The following PFAS variants were observed in gnomAD, a reference collection of about 807,000 sequenced individuals.
PFAS encodes FGAM synthase.
In PFAS, 97 loss-of-function variants were observed where a neutral mutation model predicts 140.6. The observed-to-expected ratio is 0.69, with a 90% CI of 0.59 to 0.82. PFAS has a LOEUF of 0.82. Ranked by LOEUF, PFAS falls within the 40% of genes least tolerant of loss-of-function variation. PFAS has a pLI of 0.00. For missense variants in PFAS, 1,656 were observed against 1,780.2 expected, an observed-to-expected ratio of 0.93 and a Z score of 1.26; for synonymous variants, 679 against 718.8, an observed-to-expected ratio of 0.94 and a Z score of 0.88.
At position 8,268,840 on chromosome 17, in the gene PFAS, GAGTGC is replaced by G; in HGVS notation, c.3691_3695del (p.Ser1231AlafsTer18). On this transcript the variant is annotated frameshift_variant, in exon 27 of 28. Coordinates refer to ENST00000314666, the MANE Select transcript of PFAS (RefSeq NM_012393.3). LOFTEE classifies it high-confidence loss of function. ...TGGAGGGCGCCGTGCTGCCCGTGTG[GAGTGC>G]GCACGGGGAAGGTCAGGCCCAAGGA... 1 of 1,608,770 alleles carries G rather than the reference GAGTGC, an allele frequency of 6.2e-7. No homozygotes were observed. Among genetic ancestry groups the G allele is most frequent in the Non-Finnish European group, 8.5e-7 (1 of 1,179,892 alleles).
rs369538379 is a variant in PFAS, at chr17:8,268,555, T to C, written c.3405T>C (p.Phe1135=). Residue 1135 remains phenylalanine, a synonymous_variant, in exon 27 of 28, where the codon TTT becomes TTC. Coordinates refer to ENST00000314666, the MANE Select transcript of PFAS (RefSeq NM_012393.3). ...TAGGGTGGGCAGCTGCTGTGACCTT[T>C]CATCCCAGGGCTGGGGCTGAGCTGA... ...SAKGWAAAVT[F]HPRAGAELRR... 2 of 1,612,250 alleles carry C rather than the reference T, an allele frequency of 1.2e-6. No homozygotes were observed. Among genetic ancestry groups the C allele is most frequent in the East Asian group, 2.2e-5 (1 of 44,826 alleles).
intron 4 of PFAS, 35 bp downstream of exon 4, chr17:8,255,167 C>A: frequency 7.0e-7 from 1 of 1,429,842 alleles, no homozygotes; most frequent in Non-Finnish European, 9.8e-7. Context: ...AGGAGATGAG[C>A]CAGAGATACA....
chr17:8,263,973 G>T, intron 15 of PFAS, 37 bp downstream of exon 15: 1 of 1,603,218 alleles, frequency 6.2e-7, no homozygotes, highest in Non-Finnish European at 8.5e-7. Context: ...AAACACTGGG[G>T]CAGACATGAG....
upstream of PFAS, chr17:8,248,013 G>T (rs749818659): frequency 1.2e-4 from 187 of 1,559,384 alleles, no homozygotes; most frequent in Non-Finnish European, 1.6e-4. Flanking sequence ...CGGAGGAAGG[G>T]ACCTGGGCCC....
At chr17:8,262,863 T>C in intron 11 of PFAS, 57 bp from the exon 12 acceptor site, 1 of 1,369,686 alleles carries the variant, frequency 7.3e-7, no homozygotes, top group Non-Finnish European at 1.0e-6. Flanking sequence ...TGCCTTGCTT[T>C]CGAGGCCTCT....
chr17:8,257,313 T>G (rs1490576479), intron 9 of PFAS, among the ~76,000 whole-genome samples: 1 of 152,092 alleles, frequency 6.6e-6, no homozygotes, highest in African/African-American at 2.4e-5. Context: ...TCCCAGCACT[T>G]TGGGAGGCTG....
rs758072315 is a variant in PFAS, at chr17:8,263,601, C to G, written c.1594C>G (p.Pro532Ala). The G allele has an allele frequency of 1.2e-6, 2 of 1,614,056 alleles. No homozygotes were observed. Among genetic ancestry groups the G allele is most frequent in the East Asian group, 4.5e-5 (2 of 44,872 alleles). The change falls in exon 14 of 28, where the codon CCA becomes GCA. Residue 532 changes from proline (P) to alanine (A), a missense_variant. Around this residue, in one of 2 missense-constraint regions of PFAS, gnomAD observed 773 missense variants for 757.3 expected, o/e 1.02. Transcript: ENST00000314666. Reference sequence around the variant, plus strand: ...CAATGTCCTAAAAGAGCTGAGTGACCCAGCTGGAGCCATCATTTACACCAG... The same window carrying G: ...CAATGTCCTAAAAGAGCTGAGTGACGCAGCTGGAGCCATCATTTACACCAG... ...NGNVLKELSD[P>A]AGAIIYTSRF...
At chr17:8,256,136 AATAT>A in intron 6 of PFAS, 127 bp from the exon 7 acceptor site, 1 of 946,334 alleles carries the variant, frequency 1.1e-6, no homozygotes, top group Non-Finnish European at 1.6e-6. Flanking sequence ...GACTTTTTGG[AATAT>A]ATTTTGATCT....
chr17:8,254,453 C>G, intron 3 of PFAS, 152 bp downstream of exon 3: 1 of 823,280 alleles, frequency 1.2e-6, no homozygotes, highest in Non-Finnish European at 1.9e-6. Flanking sequence ...CCTCCAAAGA[C>G]CTAGCCTGCT....
rs528002785 is a variant in PFAS at position 8,261,474 on chromosome 17, G to GGA, written c.1337-1445_1337-1444insAG. Among the ~76,000 whole-genome samples the GGA allele has an allele frequency of 7.5e-3, 1,140 of 151,368 alleles. 6 individuals carry two copies. Among genetic ancestry groups the GGA allele is most frequent in the Non-Finnish European group, 0.011 (770 of 67,748 alleles). Reference sequence around the variant, plus strand: ...GGCTGGTCTCAAACTCCTGAGCTCAGGTAATCCACCCGCCTCAGCCTCCCA... The same window carrying GGA: ...GGCTGGTCTCAAACTCCTGAGCTCAGGAGTAATCCACCCGCCTCAGCCTCCCA... On this transcript the variant is annotated intron_variant, in intron 11 of 27. Coordinates refer to ENST00000314666, the MANE Select transcript of PFAS (RefSeq NM_012393.3).
Position 8,269,238 on chromosome 17 carries a change from A to C in PFAS, c.3991A>C (p.Asn1331His), listed in dbSNP as rs745828418. 1.2e-6 allele frequency: 2 copies of C among 1,609,958 alleles called. No homozygotes were observed. Among genetic ancestry groups the C allele is most frequent in the African/African-American group, 2.7e-5 (2 of 75,014 alleles). The change falls in exon 28 of 28, where the codon AAC becomes CAC. Residue 1331 changes from asparagine to histidine, a missense_variant. Coordinates refer to ENST00000314666, the MANE Select transcript of PFAS (RefSeq NM_012393.3). ...GCTCCAGCTCTTTATCAATGCCCGA[A>C]ACTGGACCCTGGAAGGGAGCTGCTG... Reference protein sequence around the residue: ...PWLQLFINARNWTLEGSC With the variant: ...PWLQLFINARHWTLEGSC
intron 4 of PFAS, 112 bp from the exon 5 acceptor site, chr17:8,255,390 A>C: frequency 1.2e-6 from 1 of 822,656 alleles, no homozygotes; most frequent in Non-Finnish European, 1.9e-6. Flanking sequence ...AAAAAGTGCC[A>C]TATGGTGTGG....
chr17:8,259,135 A>G (rs1281216189), intron 11 of PFAS, among the ~76,000 whole-genome samples: 1 of 152,056 alleles, frequency 6.6e-6, no homozygotes, highest in East Asian at 1.9e-4. Flanking sequence ...CAAAAAAAAA[A>G]AAAAAGACGT....
chr17:8,249,664 T>G (rs943103348), intron 1 of PFAS, among the ~76,000 whole-genome samples: 1 of 152,292 alleles, frequency 6.6e-6, no homozygotes, highest in Non-Finnish European at 1.5e-5. Flanking sequence ...AAACCCTGTC[T>G]CTGAGCTCTT....
intron 6 of PFAS, 46 bp from the exon 7 acceptor site, chr17:8,256,221 G>A: frequency 6.3e-7 from 1 of 1,595,506 alleles, no homozygotes. Context: ...ATTAAGAAAT[G>A]ACCCCGTTTC....
At chr17:8,253,739 ATG>A in intron 1 of PFAS, 118 bp from the exon 2 acceptor site, 1 of 551,196 alleles carries the variant, frequency 1.8e-6, no homozygotes, top group South Asian at 3.2e-5. Flanking sequence ...GGGTTTCACT[ATG>A]TTGGCCGGGC....
intron 15 of PFAS, 134 bp from the exon 16 acceptor site, chr17:8,264,078 C>A: frequency 1.4e-6 from 2 of 1,456,004 alleles, no homozygotes; most frequent in Non-Finnish European, 1.9e-6. Context: ...AATGTTGGAT[C>A]CAAGGAGGGG....
chr17:8,264,472 G>T lies in PFAS; in HGVS notation c.1920G>T (p.Glu640Asp). The T allele has an allele frequency of 6.2e-7, 1 of 1,613,596 alleles. No individual in the cohort carries two copies. Among genetic ancestry groups the T allele is most frequent in the Non-Finnish European group, 8.5e-7 (1 of 1,179,888 alleles). Residue 640 changes from glutamate (E) to aspartate (D), a missense_variant and splice_region_variant, in exon 17 of 28, where the codon GAG becomes GAT. Transcript: ENST00000314666. ...EWVLGKMPRK[E>D]FFLQRKPPML... is the part of the protein sequence containing the mutation. ...GCCTGTCGCTGTCTGTGTTGCAGGA[G>T]TTCTTCCTGCAGAGGAAGCCCCCCA... is the stretch of plus-strand genomic sequence containing the variant.
At chr17:8,256,167 T>C in intron 6 of PFAS, 100 bp from the exon 7 acceptor site, 1 of 1,143,558 alleles carries the variant, frequency 8.7e-7, no homozygotes, top group Non-Finnish European at 1.2e-6. Flanking sequence ...TAAGTATGAA[T>C]TTGGCTGTAA....
Sources: gnomAD v4.1 joint callset for allele counts (sites outside exome capture counted in the v4.1 genomes callset) on GRCh38, gnomAD v4.1.1 for gene constraint, gnomAD v4.1.1 regional missense constraint, MANE v1.5 for transcripts, NCBI Gene and HGNC (gene_info 2026-07-23, HGNC 2026-07-21) for gene names.